Variants in ITGB8 observed in about 807,000 individuals in gnomAD.
ITGB8 encodes integrin subunit beta 8.
ITGB8 carries 30 observed loss-of-function variants against 89.5 expected under a neutral mutation model. The ratio of observed to expected loss-of-function variants is 0.34; its 90% confidence interval spans 0.25 to 0.45. The LOEUF (loss-of-function observed/expected upper bound fraction) is 0.45. Ranked by LOEUF, ITGB8 falls within the 20% of genes least tolerant of loss-of-function variation. The pLI is 1.00. For missense variants in ITGB8, 836 were observed against 933.3 expected (o/e 0.90, Z 1.36); for synonymous variants, 335 against 320.4 (o/e 1.05, Z -0.49).
chr7:20,351,808 C>T (rs1160993746), intron 1 of ITGB8, among the ~76,000 whole-genome samples: 1 of 152,158 alleles, frequency 6.6e-6, no homozygotes, highest in Non-Finnish European at 1.5e-5. Flanking sequence ...GTAGAAAATG[C>T]ATTCTTACTA....
intron 1 of ITGB8, among the ~76,000 whole-genome samples, chr7:20,358,856 C>T (rs996652964): frequency 6.6e-6 from 1 of 152,130 alleles, no homozygotes; most frequent in African/African-American, 2.4e-5. Flanking sequence ...ACCCTTGCTC[C>T]CCTCCCTACT....
At chr7:20,345,772 A>G (rs1784903553) in intron 1 of ITGB8, among the ~76,000 whole-genome samples, 1 of 152,202 alleles carries the variant, frequency 6.6e-6, no homozygotes. Flanking sequence ...GAGAAGTTGC[A>G]GTTACTGGTA....
intron 3 of ITGB8, among the ~76,000 whole-genome samples, chr7:20,372,884 A>G (rs1184960916): frequency 1.3e-5 from 2 of 152,182 alleles, no homozygotes; most frequent in Admixed American, 6.5e-5. Context: ...TTCTTAAAAA[A>G]TGAATTTGAC....
At position 20,414,269 on chromosome 7, in the gene ITGB8, C is replaced by T. The variant is rs1411025522; in HGVS notation, c.*4272C>T. 1 of 152,090 alleles carries T rather than the reference C, an allele frequency of 6.6e-6. No individual in the cohort carries two copies. Among genetic ancestry groups the T allele is most frequent in the Non-Finnish European group, 1.5e-5 (1 of 67,990 alleles). 9.4% of individuals were successfully genotyped at this position (152,090 alleles called of 1,614,324 possible). ...AAGGACAACTGAGTCACGCACAACT[C>T]AACATGGAGCCTAACTGATTATCAG... On this transcript the variant is annotated 3_prime_UTR_variant, in exon 14 of 14. Transcript: ENST00000222573.
intron 11 of ITGB8, 80 bp from the exon 12 acceptor site, chr7:20,405,982 C>T: frequency 1.2e-6 from 1 of 828,198 alleles, no homozygotes; most frequent in Non-Finnish European, 2.0e-6. Context: ...GTTATTTTGT[C>T]TTTTTTTTTC....
chr7:20,395,782 C>T (rs1432507361), intron 8 of ITGB8, among the ~76,000 whole-genome samples: 1 of 152,166 alleles, frequency 6.6e-6, no homozygotes, highest in Admixed American at 6.5e-5. Context: ...AACCAAGACT[C>T]AGGAAAGTGA....
At chr7:20,373,433 A>G (rs1345715121) in intron 3 of ITGB8, among the ~76,000 whole-genome samples, 2 of 152,234 alleles carry the variant, frequency 1.3e-5, no homozygotes, top group African/African-American at 4.8e-5. Context: ...TACAATGTAT[A>G]TGATAAGGAT....
At chr7:20,365,415 C>G (rs1785656270) in intron 2 of ITGB8, 1 of 152,170 alleles carries the variant, frequency 6.6e-6, no homozygotes, top group South Asian at 2.1e-4. Flanking sequence ...GATTCAAATC[C>G]TAGTTCCACC....
At position 20,406,178 on chromosome 7, in the gene ITGB8, C is replaced by T; in HGVS notation, c.2023+7C>T. 3 of 1,508,350 alleles carry T rather than the reference C, an allele frequency of 2.0e-6. No individual in the cohort carries two copies. The highest frequency in any genetic ancestry group is 2.8e-6 in the Non-Finnish European group (3 of 1,083,942). 93.4% of individuals were successfully genotyped at this position (1,508,350 alleles called of 1,614,324 possible). ...TATGTCGACCAAACTTCAGGTAGGC[C>T]AAAGCTTAATAATCAAAGCACAGAA... On this transcript the variant is annotated splice_region_variant and intron_variant, in intron 12 of 13. Coordinates refer to ENST00000222573, the MANE Select transcript of ITGB8 (RefSeq NM_002214.3).
In ITGB8 at chr7:20,335,400, A is replaced by C. The variant is rs1358175795; in HGVS notation, c.127+3467A>C. On this transcript the variant is annotated intron_variant, in intron 1 of 13. Transcript: ENST00000222573. ...GATATGTAATAGCTTTTTGATACGC[A>C]TGTATATGAACAGAGAAAAACAACA... Among the ~76,000 whole-genome samples, 5 of 152,318 alleles carry C rather than the reference A, an allele frequency of 3.3e-5. No homozygotes were observed. The East Asian group carries it at 9.6e-4, about 29-fold the overall frequency.
rs775206468 is a variant in ITGB8, at chr7:20,394,940, A to G, written c.1101A>G (p.Glu367=). The G allele has an allele frequency of 4.3e-6, 7 of 1,613,806 alleles. No homozygotes were observed. In the East Asian group the frequency reaches 1.6e-4, roughly 36 times the overall value. The change falls in exon 8 of 14, where the codon GAA becomes GAG. Residue 367 remains glutamate (E), a synonymous_variant. Coordinates refer to ENST00000222573, the MANE Select transcript of ITGB8 (RefSeq NM_002214.3). Reference sequence around the variant, plus strand: ...CAGGCACCATTGCTGGTGAAATAGAATCAAAGGCTGCAAACCTCAATAATT... The same window carrying G: ...CAGGCACCATTGCTGGTGAAATAGAGTCAAAGGCTGCAAACCTCAATAATT... ...LLPGTIAGEI[E]SKAANLNNLV...
chr7:20,347,625 A>ACAT (rs1189401718), intron 1 of ITGB8, among the ~76,000 whole-genome samples: 4 of 152,246 alleles, frequency 2.6e-5, no homozygotes, highest in African/African-American at 9.6e-5. Context: ...TTAATGGAAT[A>ACAT]CATCATTCAA....
At chr7:20,394,545 A>T (rs1478359835) in intron 7 of ITGB8, among the ~76,000 whole-genome samples, 1 of 152,210 alleles carries the variant, frequency 6.6e-6, no homozygotes, top group Non-Finnish European at 1.5e-5. Context: ...GAACTTCCCA[A>T]GCTCATTTGC....
intron 6 of ITGB8, among the ~76,000 whole-genome samples, chr7:20,385,143 TG>T (rs1460945078): frequency 6.6e-6 from 1 of 152,204 alleles, no homozygotes; most frequent in Non-Finnish European, 1.5e-5. Context: ...TCCCAGAAAC[TG>T]TTCACCCACC....
rs535936416 is a variant in ITGB8 at position 20,410,352 on chromosome 7, G to T, written c.*355G>T. 4.5e-6 allele frequency: 1 copy of T among 222,704 alleles called. No individual in the cohort carries two copies. Among genetic ancestry groups the T allele is most frequent in the East Asian group, 1.3e-4 (1 of 7,450 alleles). The allele number at this position is 222,704 out of a possible 1,614,324, so 13.8% of individuals were successfully genotyped here. On this transcript the variant is annotated 3_prime_UTR_variant, in exon 14 of 14. Coordinates refer to ENST00000222573, the MANE Select transcript of ITGB8 (RefSeq NM_002214.3). ...TCCCAGAGAGAACAATGCTGTGAGAGAGTTTAGCATTGTGTCACTACAAGG... is the reference window on the plus strand; with the variant it reads ...TCCCAGAGAGAACAATGCTGTGAGATAGTTTAGCATTGTGTCACTACAAGG...
intron 1 of ITGB8, among the ~76,000 whole-genome samples, chr7:20,362,193 T>G (rs745321423): frequency 9.9e-5 from 15 of 152,152 alleles, no homozygotes; most frequent in Non-Finnish European, 1.8e-4. Flanking sequence ...AGGTCAGAAC[T>G]GCTTTTATCT....
rs150356784 is a variant in ITGB8 at position 20,401,165 on chromosome 7, G to A, written c.1282-556G>A. Among the ~76,000 whole-genome samples, 888 of 152,094 alleles carry A rather than the reference G, an allele frequency of 5.8e-3. 17 individuals carry two copies. The highest frequency in any genetic ancestry group is 0.02 in the African/African-American group (843 of 41,484). On this transcript the variant is annotated intron_variant, in intron 9 of 13. Transcript: ENST00000222573. ...AGCTAATTTTTGAATTTTTAGTAGA[G>A]ATAGGGTTTCACCATGTTGGCTAGG...
Position 20,331,378 on chromosome 7 carries a change from C to T in ITGB8, c.-429C>T. 2.5e-6 allele frequency: 1 copy of T among 398,234 alleles called. No individual in the cohort carries two copies. The highest frequency in any genetic ancestry group is 4.4e-6 in the Non-Finnish European group (1 of 226,722). The allele number at this position is 398,234 out of a possible 1,614,324, so 24.7% of individuals were successfully genotyped here. On this transcript the variant is annotated 5_prime_UTR_variant, in exon 1 of 14. Transcript: ENST00000222573. The stretch of plus-strand genomic sequence containing the variant: ...GAATGTACATTAGGGTGGTTTCCCC[C>T]CCAGCTTCGGGCTTTGTTTGGGTTT...
chr7:20,370,503 A>C (rs534193767), intron 3 of ITGB8, among the ~76,000 whole-genome samples: 6 of 151,310 alleles, frequency 4.0e-5, no homozygotes, highest in Admixed American at 3.3e-4. Context: ...AAATGCTTTC[A>C]TGAGCAGAAA....
Sources: gnomAD v4.1 joint callset for allele counts (sites outside exome capture counted in the v4.1 genomes callset) on GRCh38, gnomAD v4.1.1 for gene constraint, MANE v1.5 for transcripts, NCBI Gene and HGNC (gene_info 2026-07-23, HGNC 2026-07-21) for gene names.